The following GPR161 variants were observed in gnomAD, a reference collection of about 807,000 sequenced individuals.
The protein encoded by GPR161 is G-protein coupled receptor RE2.
In GPR161, 25 loss-of-function variants were observed where a neutral mutation model predicts 39.2. The observed-to-expected ratio is 0.64, with a 90% CI of 0.47 to 0.89. The LOEUF (loss-of-function observed/expected upper bound fraction) is 0.89. Ranked by LOEUF, GPR161 falls within the 40% of genes least tolerant of loss-of-function variation. The pLI is 0.00. For synonymous variants in GPR161, 286 were observed against 276.6 expected (o/e 1.03, Z -0.34); for missense variants, 547 against 677.8 (o/e 0.81, Z 2.14).
At chr1:168,094,818 C>T (rs770764512) in intron 3 of GPR161, among the ~76,000 whole-genome samples, 2 of 152,150 alleles carry the variant, frequency 1.3e-5, no homozygotes, top group Non-Finnish European at 2.9e-5. Flanking sequence ...TACTTGACCT[C>T]AAAACTACAC....
At chr1:168,126,654 A>C (rs777964660) in intron 1 of GPR161, among the ~76,000 whole-genome samples, 1 of 151,976 alleles carries the variant, frequency 6.6e-6, no homozygotes, top group Non-Finnish European at 1.5e-5. Context: ...GGGTTTTGCT[A>C]TGTTACCCAG....
chr1:168,136,997 G>T, upstream of GPR161: 2 of 788,828 alleles, frequency 2.5e-6, no homozygotes, highest in Non-Finnish European at 2.9e-6. Flanking sequence ...GGCCCCCGGA[G>T]CCCCGAGCCG....
chr1:168,110,334 T>C (rs764090434), intron 1 of GPR161, among the ~76,000 whole-genome samples: 28 of 151,170 alleles, frequency 1.9e-4, no homozygotes, highest in Non-Finnish European at 3.2e-4. Context: ...TGAAACCTCA[T>C]CTCTACAGAA....
In GPR161 at chr1:168,136,763, C is replaced by G; in HGVS notation, c.-69G>C. 2.0e-6 allele frequency: 2 copies of G among 991,712 alleles called. No individual in the cohort carries two copies. The highest frequency in any genetic ancestry group is 2.4e-6 in the Non-Finnish European group (2 of 834,424). 61.4% of individuals were successfully genotyped at this position (991,712 alleles called of 1,614,324 possible). A position where few individuals can be genotyped will look rare whatever the true frequency, so the allele number is the denominator to read the frequency against. On this transcript the variant is annotated 5_prime_UTR_variant, in exon 1 of 6. Transcript: ENST00000682931. ...CCGAGGAGCGGCCGCCGCGGCAGCT[C>G]AGGCCCCGGCCCAGCCGCCTCCCCG...
At chr1:168,102,737 A>T (rs1696216814) in intron 2 of GPR161, among the ~76,000 whole-genome samples, 1 of 151,914 alleles carries the variant, frequency 6.6e-6, no homozygotes, top group Non-Finnish European at 1.5e-5. Context: ...TGAGAGGAGC[A>T]CTTAGAGACC....
chr1:168,097,139 G>A lies in GPR161; in HGVS notation c.468C>T (p.Leu156=), dbSNP rs1299162436. The change falls in exon 3 of 6, where the codon CTC becomes CTT. Residue 156 remains leucine (L), a synonymous_variant. Transcript: ENST00000682931. ...MALVYIWLHS[L]IGCLPPLFGW... ...CAAACAGGGGTGGCAGGCAGCCGATGAGCGAGTGAAGCCAGATGTAGACAA... is the reference window on the plus strand; with the variant it reads ...CAAACAGGGGTGGCAGGCAGCCGATAAGCGAGTGAAGCCAGATGTAGACAA... The A allele has an allele frequency of 3.7e-6, 6 of 1,614,024 alleles. No homozygotes were observed. The highest frequency in any genetic ancestry group is 1.7e-5 in the Admixed American group (1 of 60,016).
In GPR161 at chr1:168,084,518, T is replaced by C. The variant is rs1165099123; in HGVS notation, c.*1013A>G. 1 of 338,154 alleles carries C rather than the reference T, an allele frequency of 3.0e-6. No homozygotes were observed. The highest frequency in any genetic ancestry group is 5.7e-6 in the Non-Finnish European group (1 of 174,700). 20.9% of individuals were successfully genotyped at this position (338,154 alleles called of 1,614,324 possible). ...AATAACCCAGGTTGCTGGCTGTGGG[T>C]CCAGGGCTGCTTCTATCTTATTTAT... On this transcript the variant is annotated 3_prime_UTR_variant, in exon 6 of 6. Transcript: ENST00000682931.
intron 3 of GPR161, among the ~76,000 whole-genome samples, chr1:168,094,795 C>G (rs1695372187): frequency 6.6e-6 from 1 of 152,128 alleles, no homozygotes; most frequent in African/African-American, 2.4e-5. Context: ...CACCTTGGCC[C>G]TAAAAATCCA....
intron 1 of GPR161, chr1:168,136,071 C>G: frequency 8.0e-7 from 1 of 1,255,808 alleles, no homozygotes; most frequent in South Asian, 3.1e-5. Flanking sequence ...TAAGCTTGGC[C>G]CAGAAGGCGC....
chr1:168,094,959 C>A (rs184475927), intron 3 of GPR161, among the ~76,000 whole-genome samples: 1 of 152,214 alleles, frequency 6.6e-6, no homozygotes, highest in Non-Finnish European at 1.5e-5. Flanking sequence ...ATGGGAAAAT[C>A]AGCAGCTTTA....
At chr1:168,094,940 T>C (rs275157) in intron 3 of GPR161, among the ~76,000 whole-genome samples, 41,479 of 152,174 alleles carry the variant, frequency 0.27, 5,985 homozygotes, top group Admixed American at 0.4. Context: ...GTTGTATTTA[T>C]TAATTACAAT....
chr1:168,092,798 C>A (rs1695189404), intron 3 of GPR161, among the ~76,000 whole-genome samples: 1 of 152,228 alleles, frequency 6.6e-6, no homozygotes, highest in South Asian at 2.1e-4. Flanking sequence ...TAGGCCTTCT[C>A]AAGGAAGAAC....
rs1160634972 is a variant in GPR161 at position 168,081,842 on chromosome 1, T to C, written c.*3689A>G. On this transcript the variant is annotated 3_prime_UTR_variant, in exon 6 of 6. Transcript: ENST00000682931. ...CCACAGAAGGCAGTCACATGCCAGC[T>C]CACTGCCTCCTCTTTATAGCCACAT... The C allele has an allele frequency of 2.0e-5, 3 of 152,522 alleles. No individual in the cohort carries two copies. Among genetic ancestry groups the C allele is most frequent in the African/African-American group, 4.8e-5 (2 of 41,468 alleles). The allele number at this position is 152,522 out of a possible 1,614,324, so 9.4% of individuals were successfully genotyped here. A position where few individuals can be genotyped will look rare whatever the true frequency, so the allele number is the denominator to read the frequency against.
chr1:168,106,487 G>A (rs913757633), intron 1 of GPR161, among the ~76,000 whole-genome samples: 5 of 152,180 alleles, frequency 3.3e-5, no homozygotes, highest in African/African-American at 1.2e-4. Context: ...CTACTTAGCG[G>A]GCTGAGGTGG....
At chr1:168,136,697 C>A in intron 1 of GPR161, 42 bp downstream of exon 1, 1 of 1,080,018 alleles carries the variant, frequency 9.3e-7, no homozygotes, top group Non-Finnish European at 1.1e-6. Context: ...GGACCGCCCT[C>A]TCCGCCCGGG....
intron 1 of GPR161, among the ~76,000 whole-genome samples, chr1:168,124,318 TAG>T (rs1698428807): frequency 6.6e-6 from 1 of 152,236 alleles, no homozygotes; most frequent in African/African-American, 2.4e-5. Flanking sequence ...TGCTCCATTC[TAG>T]ATAGCTGAGT....
At chr1:168,110,562 GAAAAGAAAAGAAAA>G (rs1215508487) in intron 1 of GPR161, among the ~76,000 whole-genome samples, 1 of 111,502 alleles carries the variant, frequency 9.0e-6, no homozygotes, top group South Asian at 2.7e-4. Context: ...GAAAAGAAAA[GAAAAGAAAAGAAAA>G]GAAAAGAAAA....
intron 2 of GPR161, 68 bp from the exon 3 acceptor site, chr1:168,097,300 G>C (rs1178542261): frequency 1.3e-6 from 2 of 1,510,338 alleles, no homozygotes; most frequent in South Asian, 1.3e-5. Context: ...GCCTTCCTGC[G>C]TCAGGGGCTC....
chr1:168,130,259 C>G (rs1416090181), intron 1 of GPR161, among the ~76,000 whole-genome samples: 1 of 152,230 alleles, frequency 6.6e-6, no homozygotes, highest in Non-Finnish European at 1.5e-5. Context: ...ACACCACATC[C>G]ATGTGGCTTC....
Sources: allele counts gnomAD v4.1 joint callset (sites outside exome capture counted in the v4.1 genomes callset), GRCh38; gene constraint gnomAD v4.1.1; transcripts MANE v1.5; gene names NCBI Gene and HGNC (gene_info 2026-07-23, HGNC 2026-07-21).